The following USP49 variants were observed in gnomAD, a reference collection of about 807,000 sequenced individuals.
USP49 encodes ubiquitin specific peptidase 49, also known as ubiquitin carboxyl-terminal hydrolase 49.
In USP49, 24 loss-of-function variants were observed where a neutral mutation model predicts 58.6. The ratio of observed to expected loss-of-function variants is 0.41; its 90% confidence interval spans 0.30 to 0.58. The LOEUF (loss-of-function observed/expected upper bound fraction) is 0.58, where lower values mean the gene tolerates loss of function less well. Ranked by LOEUF, USP49 falls within the 20% of genes least tolerant of loss-of-function variation. The pLI, the probability that USP49 is intolerant of heterozygous loss-of-function variation, is 0.30. For missense variants in USP49, 703 were observed against 866.1 expected (o/e 0.81, Z 2.36); for synonymous variants, 408 against 365.1 (o/e 1.12, Z -1.34).
At chr6:41,850,469 A>G (rs1174371744) in intron 3 of USP49, among the ~76,000 whole-genome samples, 1 of 151,372 alleles carries the variant, frequency 6.6e-6, no homozygotes, top group East Asian at 1.9e-4. Context: ...AAAAAAATAA[A>G]TAAATAAATA....
chr6:41,835,314 G>A (rs1349759364), intron 3 of USP49, among the ~76,000 whole-genome samples: 5 of 152,162 alleles, frequency 3.3e-5, no homozygotes, highest in Non-Finnish European at 7.4e-5. Flanking sequence ...ACAAGATTCT[G>A]AAATGCAGTC....
chr6:41,811,676 T>TCA (rs560108962), intron 3 of USP49, among the ~76,000 whole-genome samples: 286 of 152,346 alleles, frequency 1.9e-3, no homozygotes, highest in African/African-American at 6.3e-3. Flanking sequence ...AATTACCCTC[T>TCA]CACACAGTCT....
At chr6:41,865,923 T>C (rs933489912) in intron 3 of USP49, among the ~76,000 whole-genome samples, 1 of 134,190 alleles carries the variant, frequency 7.5e-6, no homozygotes, top group Non-Finnish European at 1.6e-5. Flanking sequence ...TGCCTTTTTT[T>C]TTTTTTTTTT....
intron 5 of USP49, among the ~76,000 whole-genome samples, chr6:41,800,951 C>G (rs1267981677): frequency 2.0e-5 from 3 of 152,232 alleles, no homozygotes; most frequent in Non-Finnish European, 4.4e-5. Context: ...AATTCATCTA[C>G]TCCAAAGCAG....
At chr6:41,844,164 G>A (rs1582016335) in intron 3 of USP49, among the ~76,000 whole-genome samples, 2 of 151,296 alleles carry the variant, frequency 1.3e-5, no homozygotes, top group Middle Eastern at 3.5e-3. Flanking sequence ...GAGGTTATGG[G>A]GAGCCGAGAT....
intron 2 of USP49, among the ~76,000 whole-genome samples, 179 bp from the exon 3 acceptor site, chr6:41,871,816 G>T (rs1484738450): frequency 2.0e-5 from 3 of 152,060 alleles, no homozygotes; most frequent in Admixed American, 2.0e-4. Context: ...TTTCAGCTAA[G>T]AGTAACCAAA....
At chr6:41,805,584 G>A (rs2153878) in intron 4 of USP49, 44 bp downstream of exon 4, 244,702 of 1,564,670 alleles carry the variant, frequency 0.16, 19,718 homozygotes, top group East Asian at 0.25. Context: ...GGAAGCCCAA[G>A]CTAACATACA....
intron 3 of USP49, among the ~76,000 whole-genome samples, chr6:41,855,271 T>C (rs1032135934): frequency 1.3e-5 from 2 of 151,734 alleles, no homozygotes; most frequent in Non-Finnish European, 2.9e-5. Flanking sequence ...TCTCAGCACT[T>C]TGGGAGGCCA....
At chr6:41,877,802 C>T (rs1435998125) in intron 2 of USP49, among the ~76,000 whole-genome samples, 1 of 152,210 alleles carries the variant, frequency 6.6e-6, no homozygotes, top group African/African-American at 2.4e-5. Context: ...CTCAAGTGAT[C>T]TGCCCACCTT....
At chr6:41,839,459 A>T (rs1773784870) in intron 3 of USP49, among the ~76,000 whole-genome samples, 1 of 150,454 alleles carries the variant, frequency 6.6e-6, no homozygotes, top group Non-Finnish European at 1.5e-5. Context: ...ATAAATAGAC[A>T]ATCTAAGGCC....
At chr6:41,890,703 T>C (rs1414497296) in intron 2 of USP49, among the ~76,000 whole-genome samples, 4 of 152,022 alleles carry the variant, frequency 2.6e-5, no homozygotes, top group Non-Finnish European at 5.9e-5. Context: ...AATAATAATA[T>C]ATGGGGAAAT....
At chr6:41,831,447 G>A (rs1012397563) in intron 3 of USP49, among the ~76,000 whole-genome samples, 6 of 151,472 alleles carry the variant, frequency 4.0e-5, no homozygotes, top group East Asian at 1.9e-4. Flanking sequence ...GGGCGTGGTG[G>A]TGCGCACCTG....
rs1323814486 is a variant in USP49 at position 41,790,000 on chromosome 6, AAAAC to A, written c.*6529_*6532del. 5.3e-5 allele frequency: 8 copies of A among 152,222 alleles called. No homozygotes were observed. The highest frequency in any genetic ancestry group is 1.9e-4 in the African/African-American group (8 of 41,448). The allele number at this position is 152,222 out of a possible 1,614,324, so 9.4% of individuals were successfully genotyped here. A position where few individuals can be genotyped will look rare whatever the true frequency, so the allele number is the denominator to read the frequency against. ...ATTTATATTTCACACTTGAGAGACA[AAAAC>A]AAGCCCCAAAACATGGATTTTAATG... On this transcript the variant is annotated 3_prime_UTR_variant, in exon 8 of 8. Transcript: ENST00000682992.
chr6:41,833,829 T>A (rs1267546729), intron 3 of USP49, among the ~76,000 whole-genome samples: 2 of 152,242 alleles, frequency 1.3e-5, no homozygotes, highest in Non-Finnish European at 2.9e-5. Context: ...CCCTATTTAT[T>A]AACCTAGTCC....
chr6:41,802,443 TA>T (rs1170067849), intron 5 of USP49, among the ~76,000 whole-genome samples: 10 of 78,898 alleles, frequency 1.3e-4, no homozygotes, highest in Admixed American at 3.4e-4. Context: ...TTTATTTATT[TA>T]TTTATTTATT....
chr6:41,791,894 C>G lies in USP49; in HGVS notation c.*4639G>C, dbSNP rs751178229. ...AAAAGTCTGAACCACCAGGAAGATG[C>G]GTACTTAACTGGTTAAAAAATTAAG... On this transcript the variant is annotated 3_prime_UTR_variant, in exon 8 of 8. Coordinates refer to ENST00000682992, the MANE Select transcript of USP49 (RefSeq NM_001286554.2). 6.6e-6 allele frequency: 1 copy of G among 152,158 alleles called. No individual in the cohort carries two copies. Among genetic ancestry groups the G allele is most frequent in the Non-Finnish European group, 1.5e-5 (1 of 68,026 alleles). 9.4% of individuals were successfully genotyped at this position (152,158 alleles called of 1,614,324 possible). A position where few individuals can be genotyped will look rare whatever the true frequency, so the allele number is the denominator to read the frequency against.
At chr6:41,842,642 A>G (rs1283453656) in intron 3 of USP49, among the ~76,000 whole-genome samples, 1 of 152,152 alleles carries the variant, frequency 6.6e-6, no homozygotes, top group Non-Finnish European at 1.5e-5. Context: ...TTTCATTTTA[A>G]TCACAGCTAT....
chr6:41,895,366 A>T lies in USP49; in HGVS notation c.-227T>A, dbSNP rs1301332770. The T allele has an allele frequency of 7.1e-6, 1 of 141,368 alleles. No individual in the cohort carries two copies. The highest frequency in any genetic ancestry group is 2.3e-4 in the East Asian group (1 of 4,424). 8.8% of individuals were successfully genotyped at this position (141,368 alleles called of 1,614,324 possible). ...GCGAGCTGTCACCAGGGCGCGAGAC[A>T]ACCGAACACGGCCCCGCCCCCTGCC... On this transcript the variant is annotated 5_prime_UTR_variant, in exon 1 of 8. Transcript: ENST00000682992.
chr6:41,810,858 C>T (rs576414970), intron 3 of USP49, among the ~76,000 whole-genome samples: 4 of 152,148 alleles, frequency 2.6e-5, no homozygotes, highest in Admixed American at 6.5e-5. Flanking sequence ...CGTGCCCGGC[C>T]GGTAGTTCCT....
Sources: gnomAD v4.1 joint callset for allele counts (sites outside exome capture counted in the v4.1 genomes callset) on GRCh38, gnomAD v4.1.1 for gene constraint, MANE v1.5 for transcripts, NCBI Gene and HGNC (gene_info 2026-07-23, HGNC 2026-07-21) for gene names.